The following SOX6 variants were observed in gnomAD, a reference collection of about 807,000 sequenced individuals.
SOX6 encodes the protein SRY-box transcription factor 6.
A neutral mutation model predicts 97.8 loss-of-function variants in SOX6; 11 were observed. That is an observed-to-expected ratio of 0.11 (90% CI 0.07 to 0.19). The LOEUF (loss-of-function observed/expected upper bound fraction) is 0.19, where lower values mean the gene tolerates loss of function less well. Ranked by LOEUF, SOX6 falls within the 10% of genes least tolerant of loss-of-function variation. The pLI, the probability that SOX6 is intolerant of heterozygous loss-of-function variation, is 1.00. For missense variants in SOX6, 810 were observed against 1,039.5 expected, an observed-to-expected ratio of 0.78 and a Z score of 3.04; for synonymous variants, 360 against 371.4, an observed-to-expected ratio of 0.97 and a Z score of 0.35.
intron 1 of SOX6, among the ~76,000 whole-genome samples, chr11:16,433,531 C>T (rs1204795613): frequency 2.0e-5 from 3 of 151,984 alleles, no homozygotes; most frequent in African/African-American, 7.2e-5. Flanking sequence ...ATGGATCATC[C>T]ACTTGCCACT....
At chr11:16,718,731 T>C (rs1035573593) in intron 2 of SOX6, among the ~76,000 whole-genome samples, 1 of 152,168 alleles carries the variant, frequency 6.6e-6, no homozygotes, top group African/African-American at 2.4e-5. Context: ...TTAATTTATC[T>C]TCAGTGTATA....
At chr11:16,566,516 T>C (rs1488348613) in intron 4 of SOX6, among the ~76,000 whole-genome samples, 1 of 152,210 alleles carries the variant, frequency 6.6e-6, no homozygotes, top group Non-Finnish European at 1.5e-5. Context: ...AAGAAATAGG[T>C]TGAGTCAGCT....
At chr11:16,542,234 T>C (rs971972202) in intron 4 of SOX6, among the ~76,000 whole-genome samples, 1 of 152,144 alleles carries the variant, frequency 6.6e-6, no homozygotes, top group Admixed American at 6.6e-5. Flanking sequence ...AAACACCGCA[T>C]GTTCTCACTC....
At chr11:16,064,676 T>C (rs1848048093) in intron 9 of SOX6, among the ~76,000 whole-genome samples, 1 of 151,816 alleles carries the variant, frequency 6.6e-6, no homozygotes, top group South Asian at 2.1e-4. Flanking sequence ...CATGACCAAG[T>C]GGGATTTATC....
At chr11:16,006,292 T>C (rs1460697026) in intron 13 of SOX6, among the ~76,000 whole-genome samples, 1 of 152,046 alleles carries the variant, frequency 6.6e-6, no homozygotes, top group Non-Finnish European at 1.5e-5. Context: ...TCTAAATCAG[T>C]CTTGAATGAT....
chr11:16,318,860 G>A (rs1855828478), intron 2 of SOX6, among the ~76,000 whole-genome samples: 1 of 152,026 alleles, frequency 6.6e-6, no homozygotes, highest in African/African-American at 2.4e-5. Flanking sequence ...CATTAAAGAA[G>A]CAATTGTCAA....
intron 5 of SOX6, 50 bp from the exon 6 acceptor site, chr11:16,184,004 G>T: frequency 1.4e-6 from 2 of 1,471,154 alleles, no homozygotes; most frequent in Non-Finnish European, 9.5e-7. Flanking sequence ...TTACACCTCT[G>T]CCATTACCTC....
At chr11:16,112,618 T>A (rs1849257001) in intron 6 of SOX6, among the ~76,000 whole-genome samples, 1 of 152,202 alleles carries the variant, frequency 6.6e-6, no homozygotes, top group South Asian at 2.1e-4. Context: ...TAAATCCTAC[T>A]ATATCAAATT....
At chr11:16,455,128 GTC>G (rs1301057873) in intron 1 of SOX6, among the ~76,000 whole-genome samples, 1 of 151,868 alleles carries the variant, frequency 6.6e-6, no homozygotes, top group Non-Finnish European at 1.5e-5. Context: ...TTAAATATAA[GTC>G]TCTGACTACT....
At chr11:16,149,349 G>GA (rs1006619900) in intron 6 of SOX6, among the ~76,000 whole-genome samples, 17 of 151,028 alleles carry the variant, frequency 1.1e-4, no homozygotes, top group South Asian at 4.2e-4. Flanking sequence ...TGAACCAGCA[G>GA]AAAAAAAAAT....
intron 3 of SOX6, among the ~76,000 whole-genome samples, chr11:16,674,038 A>T (rs1847866190): frequency 6.6e-6 from 1 of 151,976 alleles, no homozygotes. Flanking sequence ...AAAATACAAA[A>T]AATTAGCCGG....
chr11:16,070,537 G>A (rs976788856), intron 9 of SOX6, among the ~76,000 whole-genome samples: 1 of 152,146 alleles, frequency 6.6e-6, no homozygotes, highest in Non-Finnish European at 1.5e-5. Flanking sequence ...AATGTGGGGA[G>A]AGGGGGCCAA....
At chr11:16,333,791 C>T (rs955243304) in intron 2 of SOX6, among the ~76,000 whole-genome samples, 3 of 152,018 alleles carry the variant, frequency 2.0e-5, no homozygotes, top group Admixed American at 2.0e-4. Flanking sequence ...TGTGTAAATG[C>T]TATAGACTCT....
chr11:15,988,745 G>C (rs116738714), intron 14 of SOX6, among the ~76,000 whole-genome samples: 1 of 152,306 alleles, frequency 6.6e-6, no homozygotes, highest in East Asian at 1.9e-4. Flanking sequence ...TTTTGTCTCT[G>C]AAATAAGTGT....
chr11:16,424,020 G>C (rs1453085919), intron 1 of SOX6, among the ~76,000 whole-genome samples: 1 of 152,104 alleles, frequency 6.6e-6, no homozygotes, highest in Admixed American at 6.5e-5. Flanking sequence ...AGTGAGAAGA[G>C]TGAGGCCTGA....
intron 1 of SOX6, among the ~76,000 whole-genome samples, chr11:16,428,777 T>C (rs1447503531): frequency 6.6e-6 from 1 of 152,206 alleles, no homozygotes; most frequent in Non-Finnish European, 1.5e-5. Flanking sequence ...CCAGCTTTGT[T>C]CTTTTGGCTT....
chr11:15,987,392 T>C (rs1356287272), intron 14 of SOX6, among the ~76,000 whole-genome samples: 1 of 152,232 alleles, frequency 6.6e-6, no homozygotes, highest in African/African-American at 2.4e-5. Flanking sequence ...CCTAAGCAGA[T>C]AGGCTTCTCT....
At chr11:16,715,147 C>T (rs957321109) in intron 2 of SOX6, among the ~76,000 whole-genome samples, 6 of 152,142 alleles carry the variant, frequency 3.9e-5, no homozygotes, top group African/African-American at 1.2e-4. Flanking sequence ...CCACATGGGG[C>T]TCTAAGGTGC....
intron 1 of SOX6, among the ~76,000 whole-genome samples, chr11:16,427,791 T>C (rs1010460004): frequency 9.2e-5 from 14 of 152,186 alleles, no homozygotes; most frequent in African/African-American, 1.9e-4. Context: ...AATAAACATA[T>C]GTGTGCATGT....
Sources: allele counts gnomAD v4.1 joint callset (sites outside exome capture counted in the v4.1 genomes callset), GRCh38; gene constraint gnomAD v4.1.1; transcripts MANE v1.5; gene names NCBI Gene and HGNC (gene_info 2026-07-23, HGNC 2026-07-21).